The following DPYSL5 variants were observed in gnomAD, a reference collection of about 807,000 sequenced individuals.
DPYSL5 encodes the protein dihydropyrimidinase-related protein 5.
In DPYSL5, 9 loss-of-function variants were observed where a neutral mutation model predicts 58.4. The observed-to-expected ratio is 0.15, with a 90% CI of 0.09 to 0.27. The LOEUF is 0.27. Ranked by LOEUF, DPYSL5 falls within the 10% of genes least tolerant of loss-of-function variation. DPYSL5 has a pLI of 1.00. For missense variants in DPYSL5, 499 were observed against 770.6 expected (o/e 0.65, Z 4.17); for synonymous variants, 293 against 301.9 (o/e 0.97, Z 0.31).
rs1415729335 is a variant in DPYSL5 at position 26,898,916 on chromosome 2, T to C, written c.261+156T>C. Among the ~76,000 whole-genome samples, 1 of 152,176 alleles carries C rather than the reference T, an allele frequency of 6.6e-6. No individual in the cohort carries two copies. Among genetic ancestry groups the C allele is most frequent in the Non-Finnish European group, 1.5e-5 (1 of 68,024 alleles). The stretch of plus-strand genomic sequence containing the variant: ...GCCACTGTGGCAACTACAATAGGGA[T>C]TTCCGGCTTAACGTCACAGATTTCC... On this transcript the variant is annotated intron_variant, in intron 2 of 12. Transcript: ENST00000288699. This position sits in a 1 kb window ranked among gnomAD's most constrained non-coding sequence, Gnocchi z 6.1.
At chr2:26,863,779 C>G (rs1013574985) in intron 1 of DPYSL5, among the ~76,000 whole-genome samples, 12 of 152,198 alleles carry the variant, frequency 7.9e-5, no homozygotes, top group African/African-American at 2.7e-4. Context: ...CGTATTGTCT[C>G]TAGGGATTGG....
intron 1 of DPYSL5, among the ~76,000 whole-genome samples, chr2:26,894,653 T>G (rs1663968094): frequency 6.6e-6 from 1 of 152,214 alleles, no homozygotes; most frequent in Non-Finnish European, 1.5e-5. Flanking sequence ...AATCTCTCCC[T>G]TGGCTCCTTC....
At position 26,891,674 on chromosome 2, in the gene DPYSL5, A is replaced by G. The variant is rs541773699; in HGVS notation, c.-4-6822A>G. On this transcript the variant is annotated intron_variant, in intron 1 of 12. Coordinates refer to ENST00000288699, the MANE Select transcript of DPYSL5 (RefSeq NM_020134.4). ...GCTTCTTTTTAGTTAATAAATAAATAAATAACTTTTTTTTTTTAGACAGAG... is the reference window on the plus strand; with the variant it reads ...GCTTCTTTTTAGTTAATAAATAAATGAATAACTTTTTTTTTTTAGACAGAG... 7.2e-5 allele frequency among the ~76,000 whole-genome samples: 11 copies of G among 152,218 alleles called. No homozygotes were observed. The South Asian group carries it at 2.3e-3, about 32-fold the overall frequency.
chr2:26,932,184 AAAGAAAGAAAGAAAGAAAG>A (rs1665036821), intron 6 of DPYSL5, among the ~76,000 whole-genome samples: 1 of 75,822 alleles, frequency 1.3e-5, no homozygotes, highest in Non-Finnish European at 2.9e-5. Flanking sequence ...AGAAAGAAAG[AAAGAAAGAAAGAAAGAAAG>A]AAAGAAAAGA....
rs1666051318 is a variant in DPYSL5 at position 26,862,834 on chromosome 2, G to T, written c.-5+14580G>T. Among the ~76,000 whole-genome samples, 2 of 152,208 alleles carry T rather than the reference G, an allele frequency of 1.3e-5. 1 individual carries two copies. Among genetic ancestry groups the T allele is most frequent in the Admixed American group, 1.3e-4 (2 of 15,284 alleles). On this transcript the variant is annotated intron_variant, in intron 1 of 12. Coordinates refer to ENST00000288699, the MANE Select transcript of DPYSL5 (RefSeq NM_020134.4). Reference sequence around the variant, plus strand: ...AGCTGTGCAGAGGAATTTACTAGAAGCAGTTGCAGGAGTGATCAGCACCCC... The same window carrying T: ...AGCTGTGCAGAGGAATTTACTAGAATCAGTTGCAGGAGTGATCAGCACCCC...
chr2:26,913,952 TAAAAAA>T (rs71401539), intron 2 of DPYSL5, among the ~76,000 whole-genome samples: 1 of 132,314 alleles, frequency 7.6e-6, no homozygotes, highest in Admixed American at 7.4e-5. Flanking sequence ...TTCCAAAATG[TAAAAAA>T]AAAAAAAAAA....
At chr2:26,906,536 C>T (rs765174036) in intron 2 of DPYSL5, among the ~76,000 whole-genome samples, 9 of 152,108 alleles carry the variant, frequency 5.9e-5, no homozygotes, top group Non-Finnish European at 1.0e-4. Context: ...AGGATAATCT[C>T]CTGCCATGGA....
chr2:26,882,694 A>C (rs1663605277), intron 1 of DPYSL5, among the ~76,000 whole-genome samples: 1 of 152,150 alleles, frequency 6.6e-6, no homozygotes. Context: ...TGAGGTCAGG[A>C]GTTCAAGACT....
At chr2:26,928,729 A>C in intron 5 of DPYSL5, among the ~76,000 whole-genome samples, 1 of 82,856 alleles carries the variant, frequency 1.2e-5, no homozygotes, top group Admixed American at 1.0e-4. Flanking sequence ...ACATATATAT[A>C]CGCACACACA....
intron 2 of DPYSL5, among the ~76,000 whole-genome samples, chr2:26,901,121 G>A (rs1325561211): frequency 1.3e-5 from 2 of 152,096 alleles, no homozygotes; most frequent in Admixed American, 6.5e-5. Context: ...AAAGGCCCCA[G>A]ATCTCCCATT....
intron 1 of DPYSL5, among the ~76,000 whole-genome samples, chr2:26,885,676 ACT>A (rs1407954186): frequency 6.6e-6 from 1 of 151,398 alleles, no homozygotes; most frequent in African/African-American, 2.4e-5. Context: ...TTAGACAGAG[ACT>A]CTCTCTAGCC....
intron 1 of DPYSL5, among the ~76,000 whole-genome samples, chr2:26,895,775 C>CTTTTTTTTTTTTTTTTTT (rs869030530): frequency 2.0e-5 from 2 of 101,086 alleles, no homozygotes; most frequent in Non-Finnish European, 2.0e-5. Context: ...ATTTCTTTTT[C>CTTTTTTTTTTTTTTTTTT]TTTTTTTTTT....
chr2:26,865,911 T>C (rs1666129109), intron 1 of DPYSL5, among the ~76,000 whole-genome samples: 4 of 152,192 alleles, frequency 2.6e-5, no homozygotes, highest in Admixed American at 2.0e-4. Flanking sequence ...ATCTAACAGA[T>C]AGAGACCTGC....
In DPYSL5 at chr2:26,944,743, C is replaced by T; in HGVS notation, c.1528C>T (p.Pro510Ser). The change falls in exon 12 of 13, where the codon CCA becomes TCA. Residue 510 changes from proline (P) to serine (S), a missense_variant. By Grantham distance (74) the Pro-to-Ser change is moderately conservative. Coordinates refer to ENST00000288699, the MANE Select transcript of DPYSL5 (RefSeq NM_020134.4). This position sits in a 1 kb window ranked among gnomAD's most constrained non-coding sequence, Gnocchi z 4.4. ...VHPGKKEMGTPLADTPTRPVT... is the reference protein window; with the variant it reads ...VHPGKKEMGTSLADTPTRPVT... ...CCCTGGGAAAAAAGAGATGGGAACC[C>T]CACTCGCAGACACTCCTACCCGGCC... 6.2e-7 allele frequency: 1 copy of T among 1,614,116 alleles called. No homozygotes were observed. The highest frequency in any genetic ancestry group is 8.5e-7 in the Non-Finnish European group (1 of 1,180,004).
intron 2 of DPYSL5, among the ~76,000 whole-genome samples, chr2:26,917,575 T>C (rs1664598051): frequency 6.6e-6 from 1 of 150,752 alleles, no homozygotes; most frequent in South Asian, 2.1e-4. Context: ...GGAGTGGGGG[T>C]CAGCATGCAA....
At chr2:26,921,375 G>A (rs185116153) in intron 2 of DPYSL5, among the ~76,000 whole-genome samples, 1 of 152,292 alleles carries the variant, frequency 6.6e-6, no homozygotes, top group East Asian at 1.9e-4. Flanking sequence ...AAGATCTTCT[G>A]CAGCGTACTT....
chr2:26,911,284 G>A (rs1011187526), intron 2 of DPYSL5, among the ~76,000 whole-genome samples: 2 of 152,056 alleles, frequency 1.3e-5, no homozygotes, highest in East Asian at 1.9e-4. Flanking sequence ...TTGAAAGCGG[G>A]CAGTGTATGT....
Position 26,924,972 on chromosome 2 carries a change from G to C in DPYSL5, c.347G>C (p.Cys116Ser), listed in dbSNP as rs767830292. 1.9e-5 allele frequency: 31 copies of C among 1,614,066 alleles called. No individual in the cohort carries two copies. Among genetic ancestry groups the C allele is most frequent in the Admixed American group, 6.7e-5 (4 of 60,010 alleles). The change falls in exon 3 of 13, where the codon TGC becomes TCC. Residue 116 changes from cysteine to serine, a missense_variant. By Grantham distance (112) the Cys-to-Ser change is moderately radical. This residue lies in a region of DPYSL5 where 404 missense variants were observed against 647.6 expected (regional missense o/e 0.62). Transcript: ENST00000288699. The surrounding 1 kb of genome is among the most constrained non-coding windows in gnomAD (Gnocchi z 4.7). ...TCCCTTGTGGACGCTTATGAGAAGTGCCGAGGTCTGGCCGACCCCAAGGTC... is the reference window on the plus strand; with the variant it reads ...TCCCTTGTGGACGCTTATGAGAAGTCCCGAGGTCTGGCCGACCCCAAGGTC... ...ETSLVDAYEK[C>S]RGLADPKVCC...
At position 26,927,495 on chromosome 2, in the gene DPYSL5, GA is replaced by G; in HGVS notation, c.600+64del. The G allele has an allele frequency of 6.4e-7, 1 of 1,563,290 alleles. No homozygotes were observed. Among genetic ancestry groups the G allele is most frequent in the Non-Finnish European group, 8.7e-7 (1 of 1,149,622 alleles). ...CAGTGGAGACAGTTAGTTCTCAGGGGATTCCTGACCACCCGTCACTGATCCC... is the reference window on the plus strand; with the variant it reads ...CAGTGGAGACAGTTAGTTCTCAGGGGTTCCTGACCACCCGTCACTGATCCC... On this transcript the variant is annotated intron_variant, in intron 4 of 12. Coordinates refer to ENST00000288699, the MANE Select transcript of DPYSL5 (RefSeq NM_020134.4). The surrounding 1 kb of genome is among the most constrained non-coding windows in gnomAD (Gnocchi z 4.3).
Sources: allele counts gnomAD v4.1 joint callset (sites outside exome capture counted in the v4.1 genomes callset), GRCh38; gene constraint gnomAD v4.1.1; regional missense constraint gnomAD v4.1.1; non-coding constraint Gnocchi (gnomAD v3.1); transcripts MANE v1.5; gene names NCBI Gene and HGNC (gene_info 2026-07-23, HGNC 2026-07-21).